TMPRSS12: variants seen among roughly 807,000 people sequenced by gnomAD.
TMPRSS12 encodes transmembrane serine protease 12, also known as transmembrane protease serine 12.
TMPRSS12 carries 25 observed loss-of-function variants against 26.0 expected under a neutral mutation model. That is an observed-to-expected ratio of 0.96 (90% CI 0.70 to 1.34). TMPRSS12 has a LOEUF of 1.34. Among genes scored for constraint, TMPRSS12 ranks in the 40% most tolerant of loss-of-function variants. TMPRSS12 has a pLI of 0.00. For synonymous variants in TMPRSS12, 150 were observed against 161.7 expected, an observed-to-expected ratio of 0.93 and a Z score of 0.55; for missense variants, 441 against 440.1, an observed-to-expected ratio of 1.00 and a Z score of -0.02.
chr12:50,870,196 A>G (rs761128459), intron 3 of TMPRSS12, among the ~76,000 whole-genome samples: 5 of 152,066 alleles, frequency 3.3e-5, no homozygotes, highest in Non-Finnish European at 7.4e-5. Context: ...TCCATCTCAA[A>G]ACAACAACAA....
intron 3 of TMPRSS12, among the ~76,000 whole-genome samples, chr12:50,876,681 G>A (rs1160349799): frequency 5.3e-5 from 8 of 151,816 alleles, no homozygotes; most frequent in Non-Finnish European, 1.2e-4. Context: ...GCGGGCGCCT[G>A]TAGTCCCAGC....
At chr12:50,869,361 A>G (rs1170668101) in intron 3 of TMPRSS12, among the ~76,000 whole-genome samples, 1 of 152,198 alleles carries the variant, frequency 6.6e-6, no homozygotes, top group African/African-American at 2.4e-5. Flanking sequence ...ATTCAGTGCT[A>G]CTATGAACAC....
At chr12:50,858,036 G>A (rs190009202) in intron 2 of TMPRSS12, among the ~76,000 whole-genome samples, 4 of 152,222 alleles carry the variant, frequency 2.6e-5, no homozygotes, top group Admixed American at 2.6e-4. Flanking sequence ...TAGAGACAGG[G>A]TTTCACCATG....
chr12:50,846,351 T>C (rs1937767503), intron 2 of TMPRSS12, among the ~76,000 whole-genome samples: 1 of 152,202 alleles, frequency 6.6e-6, no homozygotes, highest in Admixed American at 6.5e-5. Flanking sequence ...TTCATTGTTT[T>C]ACGTGCAGCT....
At chr12:50,864,349 T>C (rs928742126) in intron 3 of TMPRSS12, among the ~76,000 whole-genome samples, 8 of 152,044 alleles carry the variant, frequency 5.3e-5, no homozygotes, top group African/African-American at 1.7e-4. Flanking sequence ...AATAAAAAGA[T>C]CACAAATAAT....
intron 3 of TMPRSS12, among the ~76,000 whole-genome samples, chr12:50,876,571 G>A (rs1437653546): frequency 6.6e-6 from 1 of 152,134 alleles, no homozygotes; most frequent in African/African-American, 2.4e-5. Context: ...GTGGGAGGCT[G>A]AGGCGGGCAG....
chr12:50,882,887 G>T (rs1390184283), intron 3 of TMPRSS12, among the ~76,000 whole-genome samples: 1 of 152,128 alleles, frequency 6.6e-6, no homozygotes. Flanking sequence ...ACAAAAGGAA[G>T]GAATATACTC....
At chr12:50,885,093 A>G (rs1047683851) in intron 3 of TMPRSS12, among the ~76,000 whole-genome samples, 153 bp from the exon 4 acceptor site, 1 of 152,160 alleles carries the variant, frequency 6.6e-6, no homozygotes, top group Non-Finnish European at 1.5e-5. Context: ...CAATCTTCCT[A>G]GGCATACATA....
At chr12:50,857,745 G>A (rs1405515613) in intron 2 of TMPRSS12, among the ~76,000 whole-genome samples, 1 of 151,888 alleles carries the variant, frequency 6.6e-6, no homozygotes, top group Non-Finnish European at 1.5e-5. Context: ...CCTTTCTTGC[G>A]TCAATGTTAT....
intron 3 of TMPRSS12, among the ~76,000 whole-genome samples, chr12:50,872,841 TCTATATATGTACATATATATGA>T (rs202122831): frequency 0.024 from 588 of 24,350 alleles, 153 homozygotes; most frequent in South Asian, 0.063. Context: ...ATATATGACG[TCTATATATGTACATATATATGA>T]CTATATATGT....
Position 50,842,932 on chromosome 12 carries a change from T to C in TMPRSS12, c.-33T>C. 2 of 1,537,784 alleles carry C rather than the reference T, an allele frequency of 1.3e-6. No individual in the cohort carries two copies. The highest frequency in any genetic ancestry group is 1.8e-6 in the Non-Finnish European group (2 of 1,137,048). The stretch of plus-strand genomic sequence containing the variant: ...CCGCGTGCCCAGGGCGGGTGGGAAG[T>C]ACCTGCCGCCATCTTGCTCACCAGC... On this transcript the variant is annotated 5_prime_UTR_variant, in exon 1 of 5. Transcript: ENST00000398458.
intron 2 of TMPRSS12, among the ~76,000 whole-genome samples, chr12:50,852,244 G>A (rs924969263): frequency 2.0e-5 from 3 of 152,094 alleles, no homozygotes; most frequent in Non-Finnish European, 4.4e-5. Context: ...GGCACAGAGT[G>A]GCAAGTTGGA....
At chr12:50,870,472 A>G (rs1178071133) in intron 3 of TMPRSS12, among the ~76,000 whole-genome samples, 1 of 152,222 alleles carries the variant, frequency 6.6e-6, no homozygotes, top group African/African-American at 2.4e-5. Context: ...AAAGCCATCT[A>G]TGACAAACCC....
intron 4 of TMPRSS12, 98 bp from the exon 5 acceptor site, chr12:50,887,164 A>T: frequency 8.1e-7 from 1 of 1,238,862 alleles, no homozygotes; most frequent in Non-Finnish European, 1.1e-6. Flanking sequence ...ATGTGTATTT[A>T]TATAAATGTA....
intron 3 of TMPRSS12, among the ~76,000 whole-genome samples, chr12:50,872,863 A>T (rs867247984): frequency 4.3e-4 from 17 of 39,590 alleles, no homozygotes; most frequent in African/African-American, 1.6e-3. Context: ...CATATATATG[A>T]CTATATATGT....
intron 3 of TMPRSS12, among the ~76,000 whole-genome samples, chr12:50,879,589 GTTTA>G (rs1481401569): frequency 6.6e-6 from 1 of 152,232 alleles, no homozygotes; most frequent in East Asian, 1.9e-4. Flanking sequence ...AAAATATATG[GTTTA>G]TTAAGAAGGG....
intron 2 of TMPRSS12, among the ~76,000 whole-genome samples, chr12:50,849,011 T>A (rs1032671844): frequency 6.6e-6 from 1 of 152,150 alleles, no homozygotes; most frequent in Non-Finnish European, 1.5e-5. Context: ...ACTACAGGCA[T>A]GTGCTACCAT....
chr12:50,860,741 C>T (rs1937926865), intron 3 of TMPRSS12, among the ~76,000 whole-genome samples: 2 of 152,170 alleles, frequency 1.3e-5, no homozygotes, highest in African/African-American at 4.8e-5. Flanking sequence ...TCCCAAGTAG[C>T]TAGGACTACA....
chr12:50,874,937 A>G (rs764580831), intron 3 of TMPRSS12, among the ~76,000 whole-genome samples: 11 of 152,250 alleles, frequency 7.2e-5, no homozygotes, highest in Non-Finnish European at 1.3e-4. Context: ...GAAATCATAG[A>G]TGACACAAAC....
Sources: gnomAD v4.1 joint callset for allele counts (sites outside exome capture counted in the v4.1 genomes callset) on GRCh38, gnomAD v4.1.1 for gene constraint, MANE v1.5 for transcripts, NCBI Gene and HGNC (gene_info 2026-07-23, HGNC 2026-07-21) for gene names.